LRRC8D: variants seen among roughly 807,000 people sequenced by gnomAD.
LRRC8D encodes leucine rich repeat containing 8 VRAC subunit D, also known as volume-regulated anion channel subunit LRRC8D.
In LRRC8D, 20 loss-of-function variants were observed where a neutral mutation model predicts 55.8. The observed-to-expected ratio is 0.36, with a 90% CI of 0.25 to 0.52. The LOEUF (loss-of-function observed/expected upper bound fraction) is 0.52, where lower values mean the gene tolerates loss of function less well. LRRC8D is among the 20% of genes least tolerant of loss of function. LRRC8D has a pLI of 0.93. For synonymous variants in LRRC8D, 352 were observed against 377.0 expected, an observed-to-expected ratio of 0.93 and a Z score of 0.77; for missense variants, 651 against 1,030.8, an observed-to-expected ratio of 0.63 and a Z score of 5.05.
chr1:89,851,801 C>T (rs185747627), intron 2 of LRRC8D, among the ~76,000 whole-genome samples: 31 of 151,908 alleles, frequency 2.0e-4, no homozygotes, highest in African/African-American at 5.1e-4. Context: ...TGAGCCACCG[C>T]GACCGGCACC....
At chr1:89,915,151 AT>A (rs1260633668) in intron 2 of LRRC8D, among the ~76,000 whole-genome samples, 1 of 152,154 alleles carries the variant, frequency 6.6e-6, no homozygotes, top group Non-Finnish European at 1.5e-5. Context: ...GACAACACAG[AT>A]TTGGTAAAGT....
Position 89,935,222 on chromosome 1 carries a change from C to T in LRRC8D, c.2154C>T (p.Leu718=), listed in dbSNP as rs756593297. 13 of 1,614,086 alleles carry T rather than the reference C, an allele frequency of 8.1e-6. No individual in the cohort carries two copies. The highest frequency in any genetic ancestry group is 2.2e-5 in the East Asian group (1 of 44,890). ...CACTTTATTTCTCTAACAACAAGCT[C>T]GAATCCTTACCAGTGGCAGTATTTA... ...LESLYFSNNK[L]ESLPVAVFSL... is the part of the protein sequence containing the mutation. Residue 718 remains leucine, a synonymous_variant, in exon 3 of 3, where the codon CTC becomes CTT. Coordinates refer to ENST00000337338, the MANE Select transcript of LRRC8D (RefSeq NM_001134479.2).
chr1:89,849,122 A>G (rs1178768719), intron 2 of LRRC8D, among the ~76,000 whole-genome samples: 1 of 152,200 alleles, frequency 6.6e-6, no homozygotes, highest in African/African-American at 2.4e-5. Flanking sequence ...CCCTCACTGT[A>G]TATCCTGCTT....
At chr1:89,901,285 AG>A (rs1487161855) in intron 2 of LRRC8D, among the ~76,000 whole-genome samples, 1 of 152,224 alleles carries the variant, frequency 6.6e-6, no homozygotes, top group Non-Finnish European at 1.5e-5. Flanking sequence ...ACCTCTAAAC[AG>A]GCAGCCAGGA....
chr1:89,859,213 T>C (rs1300660636), intron 2 of LRRC8D, among the ~76,000 whole-genome samples: 1 of 151,992 alleles, frequency 6.6e-6, no homozygotes, highest in Non-Finnish European at 1.5e-5. Context: ...ATTCGGTAAA[T>C]GTAGGGAGTA....
At chr1:89,832,486 G>T (rs907075656) in intron 1 of LRRC8D, among the ~76,000 whole-genome samples, 1 of 151,930 alleles carries the variant, frequency 6.6e-6, no homozygotes, top group African/African-American at 2.4e-5. Flanking sequence ...TAATACTTTG[G>T]TTGCTTTTTA....
intron 2 of LRRC8D, among the ~76,000 whole-genome samples, chr1:89,896,837 G>A (rs546876627): frequency 6.6e-6 from 1 of 152,028 alleles, no homozygotes. Flanking sequence ...TATATAGTGC[G>A]AAATAAACAT....
chr1:89,914,328 G>C (rs968490279), intron 2 of LRRC8D, among the ~76,000 whole-genome samples: 1 of 152,176 alleles, frequency 6.6e-6, no homozygotes, highest in Non-Finnish European at 1.5e-5. Flanking sequence ...CTTGGTTCCC[G>C]CTCACGCCTC....
At chr1:89,931,969 A>G (rs917854681) in intron 2 of LRRC8D, among the ~76,000 whole-genome samples, 1 of 152,202 alleles carries the variant, frequency 6.6e-6, no homozygotes, top group Non-Finnish European at 1.5e-5. Context: ...AAATGAAAAT[A>G]TGGTCATGTG....
At chr1:89,925,318 C>T (rs933867334) in intron 2 of LRRC8D, among the ~76,000 whole-genome samples, 6 of 151,696 alleles carry the variant, frequency 4.0e-5, no homozygotes, top group Non-Finnish European at 7.4e-5. Flanking sequence ...TCAGGGATCG[C>T]GCTGATTCCA....
chr1:89,841,885 A>C (rs1661141547), intron 1 of LRRC8D, among the ~76,000 whole-genome samples: 1 of 152,194 alleles, frequency 6.6e-6, no homozygotes, highest in Admixed American at 6.5e-5. Flanking sequence ...GATGGATCAC[A>C]GGATGGTTGC....
chr1:89,906,427 G>C lies in LRRC8D; in HGVS notation c.-2-26640G>C, dbSNP rs1662995694. ...TAGTAATTTCATAGCTTTGGAAACT[G>C]GTTTATAGTACTTAACTGAAACAAC... On this transcript the variant is annotated intron_variant, in intron 2 of 2. Coordinates refer to ENST00000337338, the MANE Select transcript of LRRC8D (RefSeq NM_001134479.2). Among the ~76,000 whole-genome samples the C allele has an allele frequency of 2.0e-5, 3 of 152,136 alleles. No homozygotes were observed. In the South Asian group the frequency reaches 6.2e-4, roughly 32 times the overall value.
intron 2 of LRRC8D, among the ~76,000 whole-genome samples, chr1:89,893,569 G>A (rs946751112): frequency 6.6e-6 from 1 of 152,134 alleles, no homozygotes; most frequent in African/African-American, 2.4e-5. Context: ...TGATAAGAAT[G>A]CTCTTGTTTT....
rs774907894 is a variant in LRRC8D at position 89,935,304 on chromosome 1, A to G, written c.2236A>G (p.Ile746Val). ...CTACAACAACATTTCAATGATTCCA[A>G]TAGAAATAGGATTGCTTCAGAACCT... ...VSYNNISMIP[I>V]EIGLLQNLQH... Residue 746 changes from isoleucine (I) to valine (V), a missense_variant, in exon 3 of 3, where the codon ATA becomes GTA. By Grantham distance (29) the Ile-to-Val change is conservative. Transcript: ENST00000337338. 132 of 1,614,118 alleles carry G rather than the reference A, an allele frequency of 8.2e-5. No homozygotes were observed. The highest frequency in any genetic ancestry group is 1.1e-4 in the African/African-American group (8 of 74,948).
chr1:89,873,074 G>A (rs1465125522), intron 2 of LRRC8D, among the ~76,000 whole-genome samples: 1 of 152,158 alleles, frequency 6.6e-6, no homozygotes, highest in Non-Finnish European at 1.5e-5. Flanking sequence ...TCTCACCAAA[G>A]GCAATTTTGG....
rs371572507 is a variant in LRRC8D at position 89,886,305 on chromosome 1, G to T, written c.-3+42523G>T. The stretch of plus-strand genomic sequence containing the variant: ...CTTCTCAAGAGCCCCGGACGGGGGA[G>T]GTCATTTGTAACTTCTTAAGGGATG... On this transcript the variant is annotated intron_variant, in intron 2 of 2. Coordinates refer to ENST00000337338, the MANE Select transcript of LRRC8D (RefSeq NM_001134479.2). Among the ~76,000 whole-genome samples the T allele has an allele frequency of 9.2e-5, 14 of 152,132 alleles. 1 individual carries two copies. Among genetic ancestry groups the T allele is most frequent in the Admixed American group, 3.3e-4 (5 of 15,284 alleles).
chr1:89,827,242 C>T (rs1176951814), intron 1 of LRRC8D, among the ~76,000 whole-genome samples: 4 of 150,930 alleles, frequency 2.7e-5, no homozygotes, highest in Non-Finnish European at 4.4e-5. Context: ...CCCAGCTACT[C>T]GGGAAGTTGA....
At chr1:89,894,288 C>G (rs1279768390) in intron 2 of LRRC8D, among the ~76,000 whole-genome samples, 1 of 152,188 alleles carries the variant, frequency 6.6e-6, no homozygotes, top group Non-Finnish European at 1.5e-5. Flanking sequence ...GGCACCCAGC[C>G]TGTGTAATCT....
intron 1 of LRRC8D, among the ~76,000 whole-genome samples, chr1:89,824,183 TC>T (rs1660710874): frequency 6.6e-6 from 1 of 152,142 alleles, no homozygotes; most frequent in Admixed American, 6.5e-5. Context: ...CAAAGAATGA[TC>T]CTGTCCAAAA....
Sources: gnomAD v4.1 joint callset for allele counts (sites outside exome capture counted in the v4.1 genomes callset) on GRCh38, gnomAD v4.1.1 for gene constraint, MANE v1.5 for transcripts, NCBI Gene and HGNC (gene_info 2026-07-23, HGNC 2026-07-21) for gene names.